NPHS1: variants seen among roughly 807,000 people sequenced by gnomAD.
The protein encoded by NPHS1 is NPHS1 adhesion molecule, nephrin.
Under a neutral mutation model 139.7 loss-of-function variants are expected in NPHS1, and 107 were observed. That is an observed-to-expected ratio of 0.77 (90% confidence interval 0.66 to 0.90). The LOEUF (loss-of-function observed/expected upper bound fraction) is 0.90. NPHS1 is among the 40% of genes least tolerant of loss of function. The pLI, the probability that NPHS1 is intolerant of heterozygous loss-of-function variation, is 0.00. For missense variants in NPHS1, 1,580 were observed against 1,654.2 expected, an observed-to-expected ratio of 0.96 and a Z score of 0.78; for synonymous variants, 707 against 706.6, an observed-to-expected ratio of 1.00 and a Z score of -0.01.
At chr19:35,827,985 A>G (rs966722689) in intron 28 of NPHS1, among the ~76,000 whole-genome samples, 1 of 152,196 alleles carries the variant, frequency 6.6e-6, no homozygotes, top group Non-Finnish European at 1.5e-5. Context: ...AGGTATGGCA[A>G]CTGTGGAATG....
At position 35,845,888 on chromosome 19, in the gene NPHS1, C is replaced by T; in HGVS notation, c.1628-90G>A. 6.5e-7 allele frequency: 1 copy of T among 1,546,090 alleles called. No homozygotes were observed. Among genetic ancestry groups the T allele is most frequent in the Non-Finnish European group, 8.7e-7 (1 of 1,144,508 alleles). ...GCCTGCACCCCAGGCTCCGCCCAGT[C>T]TCGGGTCCCCCACCCCGCCTCCGCC... On this transcript the variant is annotated intron_variant, in intron 12 of 28. Transcript: ENST00000378910. The surrounding 1 kb of genome is among the most constrained non-coding windows in gnomAD (Gnocchi z 5.5).
rs778010048 is a variant in NPHS1 at position 35,839,605 on chromosome 19, G to A, written c.2818C>T (p.Arg940Cys). The change falls in exon 21 of 29, where the codon CGC (arginine) becomes TGC (cysteine). Residue 940 changes from arginine (R) to cysteine (C), a missense_variant and splice_region_variant. Physicochemically the swap from Arg to Cys is radical, Grantham distance 180. Transcript: ENST00000378910. ...TTTAATCCTGATGGAGGGTCAGGGC[G>A]GCCTATGGGGAGAAAGATGGGAAAG... ...QTNIQLVSIS[R>C]PDPPSGLKVV... The A allele has an allele frequency of 7.4e-6, 12 of 1,612,950 alleles. No individual in the cohort carries two copies. The highest frequency in any genetic ancestry group is 2.2e-5 in the East Asian group (1 of 44,882).
At chr19:35,850,770 G>T (rs957579867) in intron 4 of NPHS1, among the ~76,000 whole-genome samples, 191 bp downstream of exon 4, 3 of 152,150 alleles carry the variant, frequency 2.0e-5, no homozygotes, top group African/African-American at 7.2e-5. Flanking sequence ...GGTTGCTGCC[G>T]CCCTCGATGT....
chr19:35,827,105 A>G (rs1216909093), intron 28 of NPHS1, among the ~76,000 whole-genome samples: 1 of 152,098 alleles, frequency 6.6e-6, no homozygotes, highest in Non-Finnish European at 1.5e-5. Context: ...CCTCCCAAGT[A>G]GCTGGGACTA....
At chr19:35,839,187 C>T in intron 22 of NPHS1, 50 bp downstream of exon 22, 2 of 1,567,872 alleles carry the variant, frequency 1.3e-6, no homozygotes, top group Non-Finnish European at 1.8e-6. Context: ...CCATACTACC[C>T]TACACATCCT....
chr19:35,851,412 G>A (rs1464721619), intron 2 of NPHS1, 28 bp from the exon 3 acceptor site: 9 of 1,612,224 alleles, frequency 5.6e-6, no homozygotes, highest in South Asian at 2.2e-5. Flanking sequence ...AGTCAGGGCC[G>A]CAGCTTCCGC....
At chr19:35,839,721 A>G (rs1973026998) in intron 20 of NPHS1, 114 bp from the exon 21 acceptor site, 1 of 823,482 alleles carries the variant, frequency 1.2e-6, no homozygotes, top group Non-Finnish European at 2.0e-6. Context: ...CATTGTTCAT[A>G]GCATACTCAT....
intron 23 of NPHS1, 89 bp from the exon 24 acceptor site, chr19:35,831,851 A>C (rs1972890639): frequency 7.2e-7 from 1 of 1,382,930 alleles, no homozygotes. Flanking sequence ...GCCCTGACCA[A>C]GTCCCTCCCC....
rs1258400535 is a variant in NPHS1, at chr19:35,849,378, T to TC, written c.713-16dup. The TC allele has an allele frequency of 5.0e-6, 8 of 1,609,430 alleles. No homozygotes were observed. The highest frequency in any genetic ancestry group is 1.7e-5 in the Admixed American group (1 of 59,850). ...TCCTGGAGGGACTGGGGGATATCAG[T>TC]CACTCAGTGGGCCTGGAGTAGCCCA... On this transcript the variant is annotated splice_polypyrimidine_tract_variant and intron_variant, in intron 6 of 28. Transcript: ENST00000378910.
rs779585417 is a variant in NPHS1, at chr19:35,848,285, G to C, written c.1283C>G (p.Thr428Ser). The change falls in exon 10 of 29, where the codon ACC becomes AGC. Residue 428 changes from threonine to serine, a missense_variant. Coordinates refer to ENST00000378910, the MANE Select transcript of NPHS1 (RefSeq NM_004646.4). ...GTTCAGGATGAGCGACTTCTTGAAG[G>C]TCTCCTTGGTGAAGGCTTCACTGAA... ...EAFSEAFTKE[T>S]FKKSLILNVK... 10 of 1,614,158 alleles carry C rather than the reference G, an allele frequency of 6.2e-6. No homozygotes were observed. The highest frequency in any genetic ancestry group is 8.5e-6 in the Non-Finnish European group (10 of 1,180,032).
In NPHS1 at chr19:35,845,987, C is replaced by T; in HGVS notation, c.1627+21G>A. Reference sequence around the variant, plus strand: ...TGTCCCTCCCGCCCCGCCCCCGGGCCTCAGCAGTGCGAGCCCTCACACTGC... The same window carrying T: ...TGTCCCTCCCGCCCCGCCCCCGGGCTTCAGCAGTGCGAGCCCTCACACTGC... On this transcript the variant is annotated intron_variant, in intron 12 of 28. Coordinates refer to ENST00000378910, the MANE Select transcript of NPHS1 (RefSeq NM_004646.4). This position sits in a 1 kb window ranked among gnomAD's most constrained non-coding sequence, Gnocchi z 5.5. The T allele has an allele frequency of 3.8e-6, 6 of 1,559,274 alleles. No homozygotes were observed. Among genetic ancestry groups the T allele is most frequent in the Non-Finnish European group, 5.2e-6 (6 of 1,151,478 alleles).
chr19:35,842,448 C>A lies in NPHS1; in HGVS notation c.2437G>T (p.Ala813Ser). 6.2e-7 allele frequency: 1 copy of A among 1,614,140 alleles called. No homozygotes were observed. The highest frequency in any genetic ancestry group is 8.5e-7 in the Non-Finnish European group (1 of 1,180,016). ...IHHAKLAQAG[A>S]YQCIVDNGVA... ...CCATTGTCCACAATGCACTGGTAAG[C>A]GCCAGCCTGGGCCAGTTTGGCATGG... Residue 813 changes from alanine (A) to serine (S), a missense_variant, in exon 18 of 29, where the codon GCT becomes TCT. Ala to Ser is a moderately conservative substitution (Grantham distance 99). Coordinates refer to ENST00000378910, the MANE Select transcript of NPHS1 (RefSeq NM_004646.4).
intron 26 of NPHS1, 69 bp from the exon 27 acceptor site, chr19:35,831,215 T>C (rs966195525): frequency 1.2e-6 from 2 of 1,604,624 alleles, no homozygotes; most frequent in Middle Eastern, 1.7e-4. Context: ...GGAAGGGCAA[T>C]GATCAACCTG....
Position 35,846,187 on chromosome 19 carries a change from C to T in NPHS1, c.1448G>A (p.Arg483His). The change falls in exon 12 of 29, where the codon CGC becomes CAC. Residue 483 changes from arginine to histidine, a missense_variant. By Grantham distance (29) the Arg-to-His change is conservative. Transcript: ENST00000378910. ...CGGCAGCCGCGACTCGGTCACGGTG[C>T]GCGAGTCCTACGGGCCGGGAGTGAC... ...EPSLMWYKDS[R>H]TVTESRLPQE... is the part of the protein sequence containing the mutation. 1.3e-6 allele frequency: 2 copies of T among 1,589,310 alleles called. No individual in the cohort carries two copies. The highest frequency in any genetic ancestry group is 1.7e-6 in the Non-Finnish European group (2 of 1,170,300).
rs386833953 is a variant in NPHS1, at chr19:35,850,398, G to A, written c.574C>T (p.Gln192Ter). 4 of 1,614,006 alleles carry A rather than the reference G, an allele frequency of 2.5e-6. No individual in the cohort carries two copies. In the African/African-American group the frequency reaches 5.3e-5, roughly 22 times the overall value. Residue 192 changes from glutamine to a stop codon, truncating the protein, a stop_gained, in exon 5 of 29, where the codon CAG becomes TAG. Transcript: ENST00000378910. LOFTEE classifies it high-confidence loss of function. ...DISANVNEGS[Q>*]QKLFTVEATA... ...GCCTCCACAGTGAAGAGTTTCTGCT[G>A]GGAGCCCTCGTTCACGTTTGCAGAG... is the stretch of plus-strand genomic sequence containing the variant.
At chr19:35,850,664 T>C (rs574465000) in intron 4 of NPHS1, among the ~76,000 whole-genome samples, 1 of 152,226 alleles carries the variant, frequency 6.6e-6, no homozygotes, top group African/African-American at 2.4e-5. Context: ...TCTTCTCAAC[T>C]CCTTGCTGGG....
At chr19:35,838,906 A>G (rs926238946) in intron 22 of NPHS1, among the ~76,000 whole-genome samples, 1 of 152,198 alleles carries the variant, frequency 6.6e-6, no homozygotes, top group African/African-American at 2.4e-5. Context: ...TAAGCACTTA[A>G]TGCTATAAAT....
chr19:35,850,584 G>T, intron 4 of NPHS1, 139 bp from the exon 5 acceptor site: 2 of 785,806 alleles, frequency 2.5e-6, no homozygotes, highest in Non-Finnish European at 4.4e-6. Context: ...GGGCAGAGCT[G>T]CATCCCCTCC....
chr19:35,844,567 G>T, intron 14 of NPHS1, 108 bp from the exon 15 acceptor site: 3 of 1,187,288 alleles, frequency 2.5e-6, no homozygotes, highest in Non-Finnish European at 2.4e-6. Context: ...TCACGACGGG[G>T]TTTAAGGTTG....
Sources: allele counts gnomAD v4.1 joint callset (sites outside exome capture counted in the v4.1 genomes callset), GRCh38; gene constraint gnomAD v4.1.1; non-coding constraint Gnocchi (gnomAD v3.1); transcripts MANE v1.5; gene names NCBI Gene and HGNC (gene_info 2026-07-23, HGNC 2026-07-21).